CASZ1: variants seen among roughly 807,000 people sequenced by gnomAD.
CASZ1 encodes castor zinc finger 1.
A neutral mutation model predicts 135.2 loss-of-function variants in CASZ1; 28 were observed. The ratio of observed to expected loss-of-function variants is 0.21; its 90% CI spans 0.15 to 0.28. The LOEUF (loss-of-function observed/expected upper bound fraction) is 0.28. Ranked by LOEUF, CASZ1 falls within the 10% of genes least tolerant of loss-of-function variation. The probability of loss-of-function intolerance (pLI) is 1.00; values close to 1 mark genes in which losing one functional copy is unlikely to be tolerated. For missense variants in CASZ1, 2,161 were observed against 2,453.3 expected (o/e 0.88, Z 2.52); for synonymous variants, 1,068 against 1,073.4 (o/e 0.99, Z 0.10).
Position 10,701,799 on chromosome 1 carries a change from G to T in CASZ1, c.-24+3693C>A, listed in dbSNP as rs557425783. On this transcript the variant is annotated intron_variant, in intron 3 of 20. Coordinates refer to ENST00000377022, the MANE Select transcript of CASZ1 (RefSeq NM_001079843.3). This position sits in a 1 kb window ranked among gnomAD's most constrained non-coding sequence, Gnocchi z 6.3. ...GAGCCCCTAGGACCAGGCAGCTGAC[G>T]GGGGGCTGGCTTTCCTGCCTCCTGC... 3.3e-5 allele frequency among the ~76,000 whole-genome samples: 5 copies of T among 152,104 alleles called. No individual in the cohort carries two copies. In the South Asian group the frequency reaches 8.3e-4, roughly 25 times the overall value.
intron 4 of CASZ1, among the ~76,000 whole-genome samples, chr1:10,671,001 G>T (rs1643381520): frequency 6.6e-6 from 1 of 152,234 alleles, no homozygotes; most frequent in Non-Finnish European, 1.5e-5. Flanking sequence ...GTTCAGCCGG[G>T]TCCCCTGGCC....
rs535013571 is a variant in CASZ1 at position 10,783,866 on chromosome 1, C to T, written c.-234+12698G>A. On this transcript the variant is annotated intron_variant, in intron 1 of 20. Coordinates refer to ENST00000377022, the MANE Select transcript of CASZ1 (RefSeq NM_001079843.3). ...CAGCCTGGGTGAAAAAGCAAGACTC[C>T]GTCTCAAAAAAAAAAAAAAAAAAAA... 4.7e-3 allele frequency among the ~76,000 whole-genome samples: 465 copies of T among 99,358 alleles called. 5 individuals carry two copies. The highest frequency in any genetic ancestry group is 0.015 in the African/African-American group (432 of 28,324). 65.2% of individuals were successfully genotyped at this position (99,358 alleles called of 152,430 possible).
rs559893644 is a variant in CASZ1, at chr1:10,699,774, C to A, written c.-24+5718G>T. ...ACTGATTCTCTTGTGTCTCCCTTCCCCTTTGTCTCACCCTTGTAGGTTTCT... is the reference window on the plus strand; with the variant it reads ...ACTGATTCTCTTGTGTCTCCCTTCCACTTTGTCTCACCCTTGTAGGTTTCT... On this transcript the variant is annotated intron_variant, in intron 3 of 20. Coordinates refer to ENST00000377022, the MANE Select transcript of CASZ1 (RefSeq NM_001079843.3). This position sits in a 1 kb window ranked among gnomAD's most constrained non-coding sequence, Gnocchi z 4.6. 5.9e-5 allele frequency among the ~76,000 whole-genome samples: 9 copies of A among 152,252 alleles called. No individual in the cohort carries two copies. The highest frequency in any genetic ancestry group is 5.2e-4 in the Admixed American group (8 of 15,304).
intron 15 of CASZ1, 67 bp from the exon 16 acceptor site, chr1:10,648,206 G>A: frequency 8.4e-7 from 1 of 1,187,722 alleles, no homozygotes; most frequent in South Asian, 1.6e-5. Flanking sequence ...GCATGCATGT[G>A]ACCCCATCAC....
In CASZ1 at chr1:10,735,834, G is replaced by A. The variant is rs1001773541; in HGVS notation, c.-77+24867C>T. 1.3e-5 allele frequency among the ~76,000 whole-genome samples: 2 copies of A among 152,156 alleles called. No individual in the cohort carries two copies. Among genetic ancestry groups the A allele is most frequent in the African/African-American group, 4.8e-5 (2 of 41,430 alleles). Reference sequence around the variant, plus strand: ...GACACTGGGAGTTGTAGGTAGTCAGGGAGCCCAGAGGCAGTGGCTTAGGAT... The same window carrying A: ...GACACTGGGAGTTGTAGGTAGTCAGAGAGCCCAGAGGCAGTGGCTTAGGAT... On this transcript the variant is annotated intron_variant, in intron 2 of 20. Transcript: ENST00000377022. This position sits in a 1 kb window ranked among gnomAD's most constrained non-coding sequence, Gnocchi z 5.1.
Position 10,639,323 on chromosome 1 carries a change from C to T in CASZ1, c.4899G>A (p.Gln1633=). Residue 1633 remains glutamine, a synonymous_variant, in exon 21 of 21, where the codon CAG becomes CAA. Transcript: ENST00000377022. This position sits in a 1 kb window ranked among gnomAD's most constrained non-coding sequence, Gnocchi z 4.0. ...CCAGGCCCAGGCCGGCGGCCGCCGA[C>T]TGCAGGAAGAGCAGCGAGCCCGGCT... ...GAEPGSLLFL[Q]SAAAGLGLAL... is the part of the protein sequence containing the mutation. 2 of 1,467,810 alleles carry T rather than the reference C, an allele frequency of 1.4e-6. No individual in the cohort carries two copies. The highest frequency in any genetic ancestry group is 1.8e-6 in the Non-Finnish European group (2 of 1,118,760). 90.9% of individuals were successfully genotyped at this position (1,467,810 alleles called of 1,614,324 possible).
In CASZ1 at chr1:10,706,028, G is replaced by A. The variant is rs1364172534; in HGVS notation, c.-76-484C>T. ...AAAAATGACAAATGCCAAACTGTTC[G>A]CTCTAGCAAGTTGGTGACAGAGGGG... On this transcript the variant is annotated intron_variant, in intron 2 of 20. Transcript: ENST00000377022. The surrounding 1 kb of genome is among the most constrained non-coding windows in gnomAD (Gnocchi z 4.3). Among the ~76,000 whole-genome samples the A allele has an allele frequency of 1.3e-5, 2 of 152,212 alleles. No homozygotes were observed. The highest frequency in any genetic ancestry group is 2.4e-5 in the African/African-American group (1 of 41,456).
At chr1:10,680,683 G>A (rs1005449827) in intron 4 of CASZ1, among the ~76,000 whole-genome samples, 19 of 152,160 alleles carry the variant, frequency 1.2e-4, no homozygotes, top group African/African-American at 4.3e-4. Context: ...AGGGGCAGGC[G>A]GGCAGACGGA....
At chr1:10,683,051 T>C (rs1638478251) in intron 4 of CASZ1, among the ~76,000 whole-genome samples, 1 of 152,240 alleles carries the variant, frequency 6.6e-6, no homozygotes, top group South Asian at 2.1e-4. Context: ...AAGTCACCAA[T>C]CTGTCTGCTT....
At position 10,741,184 on chromosome 1, in the gene CASZ1, T is replaced by C. The variant is rs1226851721; in HGVS notation, c.-77+19517A>G. ...TTTTAGCAGAGACGGGGTTTCACCA[T>C]GTTGGTCAGGCTGGTCTCCAACTCC... On this transcript the variant is annotated intron_variant, in intron 2 of 20. Coordinates refer to ENST00000377022, the MANE Select transcript of CASZ1 (RefSeq NM_001079843.3). The surrounding 1 kb of genome is among the most constrained non-coding windows in gnomAD (Gnocchi z 5.0). 6.6e-6 allele frequency among the ~76,000 whole-genome samples: 1 copy of C among 152,164 alleles called. No individual in the cohort carries two copies. Among genetic ancestry groups the C allele is most frequent in the African/African-American group, 2.4e-5 (1 of 41,434 alleles).
intron 1 of CASZ1, among the ~76,000 whole-genome samples, chr1:10,791,170 T>C (rs771204939): frequency 1.9e-4 from 29 of 151,456 alleles, no homozygotes; most frequent in Non-Finnish European, 3.7e-4. Context: ...CTCTGAGTTG[T>C]AGGTCTAAGG....
rs544990177 is a variant in CASZ1 at position 10,654,651 on chromosome 1, G to A, written c.1666-60C>T. 126 of 1,534,850 alleles carry A rather than the reference G, an allele frequency of 8.2e-5. 3 individuals carry two copies. The South Asian group carries it at 1.2e-3, about 15-fold the overall frequency. On this transcript the variant is annotated intron_variant, in intron 9 of 20. Coordinates refer to ENST00000377022, the MANE Select transcript of CASZ1 (RefSeq NM_001079843.3). ...GGCCAGGTGCTCCTGGGCCGAGGTC[G>A]ACACCACTGTGTGTGGCTGGGGCCA...
intron 1 of CASZ1, among the ~76,000 whole-genome samples, chr1:10,785,654 C>G (rs1640846034): frequency 2.6e-5 from 4 of 152,354 alleles, no homozygotes; most frequent in Admixed American, 2.6e-4. Flanking sequence ...ATCCCTGGGG[C>G]AGGTGGGAAA....
Position 10,741,827 on chromosome 1 carries a change from T to A in CASZ1, c.-77+18874A>T, listed in dbSNP as rs1639927852. Among the ~76,000 whole-genome samples, 1 of 152,096 alleles carries A rather than the reference T, an allele frequency of 6.6e-6. No homozygotes were observed. The highest frequency in any genetic ancestry group is 1.5e-5 in the Non-Finnish European group (1 of 68,026). ...ATAGTTATATATTAACAAACCTGAT[T>A]CGAATCTCATCTGAATTATTTTTTG... On this transcript the variant is annotated intron_variant, in intron 2 of 20. Transcript: ENST00000377022. The surrounding 1 kb of genome is among the most constrained non-coding windows in gnomAD (Gnocchi z 5.0).
chr1:10,691,092 CCTCCCT>C (rs1222551583), intron 4 of CASZ1, among the ~76,000 whole-genome samples: 5 of 150,900 alleles, frequency 3.3e-5, no homozygotes, highest in Non-Finnish European at 7.4e-5. Context: ...TCCCTCCCTC[CCTCCCT>C]CTCTTTCCTT....
Position 10,762,220 on chromosome 1 carries a change from C to A in CASZ1, c.-233-1363G>T, listed in dbSNP as rs1197501671. On this transcript the variant is annotated intron_variant, in intron 1 of 20. Transcript: ENST00000377022. The surrounding 1 kb of genome is among the most constrained non-coding windows in gnomAD (Gnocchi z 4.1). The stretch of plus-strand genomic sequence containing the variant: ...TGGGGCAATGCCACCGAGACCAGCT[C>A]CCTGGGGGAGGCCATCAGGGGTGGA... 1.3e-5 allele frequency among the ~76,000 whole-genome samples: 2 copies of A among 151,856 alleles called. No individual in the cohort carries two copies. Among genetic ancestry groups the A allele is most frequent in the African/African-American group, 4.9e-5 (2 of 41,234 alleles).
chr1:10,661,776 A>G (rs1307885514), intron 5 of CASZ1, among the ~76,000 whole-genome samples: 2 of 149,778 alleles, frequency 1.3e-5, no homozygotes, highest in Admixed American at 6.6e-5. Flanking sequence ...AGTCACATGC[A>G]TTCACAACAC....
Position 10,774,357 on chromosome 1 carries a change from T to G in CASZ1, c.-233-13500A>C, listed in dbSNP as rs1640626285. On this transcript the variant is annotated intron_variant, in intron 1 of 20. Coordinates refer to ENST00000377022, the MANE Select transcript of CASZ1 (RefSeq NM_001079843.3). The surrounding 1 kb of genome is among the most constrained non-coding windows in gnomAD (Gnocchi z 4.4). ...CGGCAGCACACTGTCAAATCTGCCC[T>G]GGCCTTGGCCAGGGCCAAGTTCAGG... Among the ~76,000 whole-genome samples the G allele has an allele frequency of 6.6e-6, 1 of 152,166 alleles. No individual in the cohort carries two copies. The highest frequency in any genetic ancestry group is 2.1e-4 in the South Asian group (1 of 4,834).
intron 2 of CASZ1, among the ~76,000 whole-genome samples, chr1:10,748,443 G>A (rs1373032740): frequency 3.3e-5 from 5 of 152,206 alleles, no homozygotes; most frequent in East Asian, 1.9e-4. Context: ...TCCCAGGTCC[G>A]GTCACAGGCA....
Sources: allele counts gnomAD v4.1 joint callset (sites outside exome capture counted in the v4.1 genomes callset), GRCh38; gene constraint gnomAD v4.1.1; non-coding constraint Gnocchi (gnomAD v3.1); transcripts MANE v1.5; gene names NCBI Gene and HGNC (gene_info 2026-07-23, HGNC 2026-07-21).